The following SEM1 variants were observed in gnomAD, a reference collection of about 807,000 sequenced individuals.
The protein encoded by SEM1 is SEM1 26S proteasome subunit.
In SEM1, 3 loss-of-function variants were observed where a neutral mutation model predicts 12.7. That is an observed-to-expected ratio of 0.24 (90% CI 0.11 to 0.61). The LOEUF is 0.61. Ranked by LOEUF, SEM1 falls within the 20% of genes least tolerant of loss-of-function variation. The probability of loss-of-function intolerance (pLI) is 0.88; values close to 1 mark genes in which losing one functional copy is unlikely to be tolerated. For missense variants in SEM1, 59 were observed against 81.3 expected (o/e 0.73, Z 1.06); for synonymous variants, 30 against 27.8 (o/e 1.08, Z -0.25).
chr7:96,705,448 G>A (rs1014576065), intron 1 of SEM1, among the ~76,000 whole-genome samples: 7 of 151,254 alleles, frequency 4.6e-5, no homozygotes, highest in East Asian at 2.0e-4. Flanking sequence ...TCTTTTACTC[G>A]AATCCACATC....
chr7:96,706,193 T>C (rs1790456378), intron 1 of SEM1: 1 of 151,990 alleles, frequency 6.6e-6, no homozygotes, highest in African/African-American at 2.4e-5. Context: ...GGCTATAGAA[T>C]GGGGGAAAAA....
chr7:96,481,651 TA>T (rs1014284234), exon 4 of SEM1: 1 of 152,154 alleles, frequency 6.6e-6, no homozygotes, highest in African/African-American at 2.4e-5. Flanking sequence ...TAAAGTCTTT[TA>T]AAATATTCAA....
intron 2 of SEM1, among the ~76,000 whole-genome samples, chr7:96,665,932 A>G (rs2116551320): frequency 6.6e-6 from 1 of 152,348 alleles, no homozygotes; most frequent in Admixed American, 6.5e-5. Context: ...AGAGAGGTTA[A>G]GTAACTTACC....
chr7:96,697,694 A>T (rs936457715), intron 1 of SEM1, among the ~76,000 whole-genome samples: 1 of 152,140 alleles, frequency 6.6e-6, no homozygotes, highest in Non-Finnish European at 1.5e-5. Flanking sequence ...ACATTACATG[A>T]AAAGAAAAAT....
chr7:96,634,268 A>G (rs1054391517), intron 2 of SEM1, among the ~76,000 whole-genome samples: 26 of 152,144 alleles, frequency 1.7e-4, no homozygotes, highest in African/African-American at 6.0e-4. Flanking sequence ...CCTATCAAAT[A>G]TTAAAATGTA....
intron 2 of SEM1, among the ~76,000 whole-genome samples, chr7:96,485,810 G>T (rs139759372): frequency 1.3e-5 from 2 of 152,072 alleles, no homozygotes; most frequent in Non-Finnish European, 2.9e-5. Flanking sequence ...AAAGTGCTGG[G>T]ATTACAGGCA....
downstream of SEM1, among the ~76,000 whole-genome samples, chr7:96,670,480 T>A (rs556277110): frequency 2.6e-5 from 4 of 152,204 alleles, no homozygotes; most frequent in African/African-American, 9.6e-5. Context: ...TCAGGTTTAT[T>A]GACAGATGGC....
intron 3 of SEM1, among the ~76,000 whole-genome samples, chr7:96,501,513 A>G (rs1554407149): frequency 6.6e-6 from 1 of 152,138 alleles, no homozygotes; most frequent in Non-Finnish European, 1.5e-5. Flanking sequence ...CCACAAAGTT[A>G]TTGAATTCAA....
At chr7:96,687,713 G>A (rs1171870042), downstream of SEM1, among the ~76,000 whole-genome samples, 1 of 151,738 alleles carries the variant, frequency 6.6e-6, no homozygotes, top group Non-Finnish European at 1.5e-5. Flanking sequence ...CAGCACACCA[G>A]CATGGCACAT....
At chr7:96,675,764 T>G (rs979850745) in intron 2 of SEM1, among the ~76,000 whole-genome samples, 1 of 152,044 alleles carries the variant, frequency 6.6e-6, no homozygotes, top group Non-Finnish European at 1.5e-5. Context: ...AAATCCTAAG[T>G]GAGTGATGCA....
chr7:96,678,332 G>A (rs1487930957), intron 2 of SEM1, among the ~76,000 whole-genome samples: 2 of 152,086 alleles, frequency 1.3e-5, no homozygotes, highest in Non-Finnish European at 1.5e-5. Context: ...AATTCTATAA[G>A]TCTAACATCA....
rs1436068063 is a variant in SEM1 at position 96,583,464 on chromosome 7, G to T, written c.171-76766C>A. On this transcript the variant is annotated intron_variant and NMD_transcript_variant, in intron 2 of 3. Transcript: ENST00000466986. ...GTATATTCTGTTGATTTGGGGTGGA[G>T]AGTTCTGTAGATGTCTATTAGGTCC... Among the ~76,000 whole-genome samples the T allele has an allele frequency of 2.0e-5, 3 of 148,346 alleles. 1 individual carries two copies. The Admixed American group carries it at 2.1e-4, about 11-fold the overall frequency.
exon 2 of SEM1, chr7:96,486,314 C>T (rs765869319): frequency 1.6e-5 from 24 of 1,537,000 alleles, no homozygotes; most frequent in Middle Eastern, 3.3e-4. Context: ...TCCTCTGGCC[C>T]GCTGAGCTGG....
chr7:96,556,984 G>A (rs1294140961), intron 2 of SEM1, among the ~76,000 whole-genome samples: 6 of 148,880 alleles, frequency 4.0e-5, no homozygotes, highest in South Asian at 2.2e-4. Context: ...TGATCACATC[G>A]GCTCCCGAGG....
intron 2 of SEM1, chr7:96,653,719 C>T (rs1369116152): frequency 6.6e-6 from 1 of 152,228 alleles, no homozygotes; most frequent in Non-Finnish European, 1.5e-5. Flanking sequence ...CTTTGCATTA[C>T]AGATGAGGAA....
chr7:96,512,524 C>T (rs1803964148), intron 2 of SEM1, among the ~76,000 whole-genome samples: 1 of 152,048 alleles, frequency 6.6e-6, no homozygotes, highest in Non-Finnish European at 1.5e-5. Flanking sequence ...TAATTTCTGG[C>T]TGTCCAAGTT....
chr7:96,627,889 G>A (rs1290534170), intron 2 of SEM1, among the ~76,000 whole-genome samples: 1 of 152,006 alleles, frequency 6.6e-6, no homozygotes, highest in Non-Finnish European at 1.5e-5. Context: ...AACTATGATT[G>A]TATTGGAGCC....
intron 1 of SEM1, among the ~76,000 whole-genome samples, chr7:96,705,304 T>C (rs12704872): frequency 0.34 from 51,516 of 150,636 alleles, 10,223 homozygotes; most frequent in East Asian, 0.67. Context: ...TAAACGCTAT[T>C]GCTGCTGCAG....
intron 2 of SEM1, among the ~76,000 whole-genome samples, chr7:96,638,763 A>C (rs1351991486): frequency 6.6e-6 from 1 of 151,876 alleles, no homozygotes; most frequent in Non-Finnish European, 1.5e-5. Context: ...GAATGTTATC[A>C]CACATCTTTT....
Sources: gnomAD v4.1 joint callset for allele counts (sites outside exome capture counted in the v4.1 genomes callset) on GRCh38, gnomAD v4.1.1 for gene constraint, MANE v1.5 for transcripts, NCBI Gene and HGNC (gene_info 2026-07-23, HGNC 2026-07-21) for gene names.